Variants in CTIF observed in about 807,000 individuals in gnomAD.
CTIF encodes the protein cap binding complex dependent translation initiation factor, also known as CBP80/20-dependent translation initiation factor.
CTIF carries 21 observed loss-of-function variants against 66.0 expected under a neutral mutation model. That is an observed-to-expected ratio of 0.32 (90% CI 0.23 to 0.46). The LOEUF (loss-of-function observed/expected upper bound fraction) is 0.46. CTIF is among the 20% of genes least tolerant of loss of function. The pLI is 1.00. For synonymous variants in CTIF, 345 were observed against 326.4 expected (o/e 1.06, Z -0.62); for missense variants, 739 against 812.7 (o/e 0.91, Z 1.10).
At chr18:48,579,214 G>T (rs1023925026) in intron 1 of CTIF, among the ~76,000 whole-genome samples, 1 of 152,066 alleles carries the variant, frequency 6.6e-6, no homozygotes, top group Non-Finnish European at 1.5e-5. Flanking sequence ...TGCAACCTCC[G>T]CCTCCCAGGT....
chr18:48,757,727 G>A (rs1170625974), intron 7 of CTIF, among the ~76,000 whole-genome samples, 192 bp from the exon 8 acceptor site: 3 of 152,182 alleles, frequency 2.0e-5, no homozygotes, highest in East Asian at 1.9e-4. Context: ...AGCAAGGACC[G>A]GTCTGCCTGT....
At chr18:48,807,467 T>C (rs1178132398) in intron 9 of CTIF, among the ~76,000 whole-genome samples, 1 of 152,198 alleles carries the variant, frequency 6.6e-6, no homozygotes, top group East Asian at 1.9e-4. Context: ...AAAACTCTAT[T>C]CATGGATGAG....
intron 2 of CTIF, among the ~76,000 whole-genome samples, chr18:48,634,521 G>A (rs1037407959): frequency 3.9e-5 from 6 of 152,346 alleles, no homozygotes; most frequent in African/African-American, 1.4e-4. Context: ...AAGAAAGAAG[G>A]TGTTGCCAGA....
At chr18:48,551,473 C>T (rs1308717069) in intron 1 of CTIF, among the ~76,000 whole-genome samples, 1 of 152,128 alleles carries the variant, frequency 6.6e-6, no homozygotes, top group Non-Finnish European at 1.5e-5. Context: ...TGCTTTCAGC[C>T]ACCTGATTTG....
intron 3 of CTIF, among the ~76,000 whole-genome samples, chr18:48,648,560 A>C (rs7230732): frequency 0.71 from 107,979 of 151,510 alleles, 39,594 homozygotes; most frequent in East Asian, 0.9. Flanking sequence ...CTGCCCCCTG[A>C]CACCTCCCCC....
intron 1 of CTIF, among the ~76,000 whole-genome samples, chr18:48,592,888 G>A (rs903076870): frequency 2.0e-5 from 3 of 152,342 alleles, no homozygotes; most frequent in Middle Eastern, 6.8e-3. Context: ...CAAAACATCT[G>A]GGGGCTTCCT....
At chr18:48,553,660 CTT>C (rs1276662351) in intron 1 of CTIF, among the ~76,000 whole-genome samples, 25 of 132,164 alleles carry the variant, frequency 1.9e-4, no homozygotes, top group Non-Finnish European at 2.0e-4. Context: ...TTTCTTTTTC[CTT>C]TTTTTTTTTT....
intron 9 of CTIF, among the ~76,000 whole-genome samples, chr18:48,809,982 T>C (rs2068226595): frequency 6.6e-6 from 1 of 152,066 alleles, no homozygotes; most frequent in Non-Finnish European, 1.5e-5. Flanking sequence ...TGTCCTTATA[T>C]TTCCTTAGCT....
chr18:48,862,569 C>G lies in CTIF; in HGVS notation c.*3010C>G, dbSNP rs2146714318. The G allele has an allele frequency of 6.5e-6, 1 of 152,864 alleles. No individual in the cohort carries two copies. The highest frequency in any genetic ancestry group is 3.4e-3 in the Middle Eastern group (1 of 294). The allele number at this position is 152,864 out of a possible 1,614,324, so 9.5% of individuals were successfully genotyped here. On this transcript the variant is annotated 3_prime_UTR_variant, in exon 12 of 12. Transcript: ENST00000256413. ...ACCCCATTCTCTCTGTTCGTCCTTC[C>G]TTGACCAGTCTGTAAACCTTCACTG...
chr18:48,737,505 AC>A (rs1407590744), intron 7 of CTIF, among the ~76,000 whole-genome samples: 1 of 152,234 alleles, frequency 6.6e-6, no homozygotes, highest in East Asian at 1.9e-4. Context: ...GAATTGAACC[AC>A]CTTGGAACAG....
chr18:48,843,392 G>A (rs888456976), intron 10 of CTIF, among the ~76,000 whole-genome samples: 4 of 152,140 alleles, frequency 2.6e-5, no homozygotes, highest in African/African-American at 9.7e-5. Context: ...CTGCGGAGTG[G>A]GGAGGGCTTG....
At chr18:48,774,482 G>T (rs1052350894) in intron 9 of CTIF, among the ~76,000 whole-genome samples, 1 of 152,248 alleles carries the variant, frequency 6.6e-6, no homozygotes, top group East Asian at 1.9e-4. Context: ...CTTTGGGGGG[G>T]ACAGGGAGGA....
intron 1 of CTIF, among the ~76,000 whole-genome samples, chr18:48,550,122 A>G (rs1015914218): frequency 2.6e-5 from 4 of 152,156 alleles, no homozygotes; most frequent in Non-Finnish European, 4.4e-5. Flanking sequence ...CAGGTGTTCC[A>G]TGGATGCCTT....
chr18:48,603,660 T>C (rs2090148726), intron 1 of CTIF, among the ~76,000 whole-genome samples: 1 of 150,132 alleles, frequency 6.7e-6, no homozygotes, highest in East Asian at 2.0e-4. Context: ...GATGAATGGA[T>C]GAATGGTGGG....
At chr18:48,708,254 CAGGT>C (rs2092183850) in intron 6 of CTIF, among the ~76,000 whole-genome samples, 20 of 152,230 alleles carry the variant, frequency 1.3e-4, no homozygotes, top group Admixed American at 1.1e-3. Flanking sequence ...CATCTGGTGA[CAGGT>C]TTGTGACTCA....
chr18:48,753,748 A>T (rs1004515719), intron 7 of CTIF, among the ~76,000 whole-genome samples: 63 of 152,200 alleles, frequency 4.1e-4, no homozygotes, highest in African/African-American at 1.2e-3. Context: ...TGCCCTTCTT[A>T]CTTGCAGGGC....
At chr18:48,658,355 G>A (rs555720502) in intron 3 of CTIF, among the ~76,000 whole-genome samples, 2 of 152,020 alleles carry the variant, frequency 1.3e-5, no homozygotes, top group South Asian at 4.1e-4. Flanking sequence ...AGCATGTGAT[G>A]TGCACATATA....
intron 10 of CTIF, chr18:48,826,558 G>A (rs189511930): frequency 3.9e-5 from 6 of 152,214 alleles, no homozygotes; most frequent in African/African-American, 9.7e-5. Context: ...ATGTCCACCC[G>A]GGGCTGTCAA....
intron 2 of CTIF, among the ~76,000 whole-genome samples, chr18:48,635,177 G>A (rs1309736257): frequency 1.3e-5 from 2 of 152,140 alleles, no homozygotes; most frequent in African/African-American, 2.4e-5. Context: ...ATACCCTTGA[G>A]CCATGCTCAG....
Sources: allele counts gnomAD v4.1 joint callset (sites outside exome capture counted in the v4.1 genomes callset), GRCh38; gene constraint gnomAD v4.1.1; transcripts MANE v1.5; gene names NCBI Gene and HGNC (gene_info 2026-07-23, HGNC 2026-07-21).